POLR1B: variants seen among roughly 807,000 people sequenced by gnomAD.
POLR1B encodes the protein DNA-directed RNA polymerase I subunit RPA2.
Under a neutral mutation model 105.8 loss-of-function variants are expected in POLR1B, and 30 were observed. That is an observed-to-expected ratio of 0.28 (90% CI 0.21 to 0.38). POLR1B has a LOEUF of 0.38. Ranked by LOEUF, POLR1B falls within the 10% of genes least tolerant of loss-of-function variation. POLR1B has a pLI of 1.00. For synonymous variants in POLR1B, 485 were observed against 505.1 expected (o/e 0.96, Z 0.53); for missense variants, 976 against 1,435.8 (o/e 0.68, Z 5.17).
chr2:112,550,157 A>C (rs1362524174), intron 4 of POLR1B, among the ~76,000 whole-genome samples: 2 of 152,090 alleles, frequency 1.3e-5, no homozygotes, highest in Non-Finnish European at 2.9e-5. Context: ...TATTTTTGTT[A>C]CTACTTATGA....
intron 1 of POLR1B, among the ~76,000 whole-genome samples, chr2:112,546,091 T>G (rs1360931400): frequency 1.3e-5 from 2 of 152,316 alleles, no homozygotes; most frequent in Middle Eastern, 3.4e-3. Flanking sequence ...TTCATTATTC[T>G]AAGACTAAGT....
rs1181954151 is a variant in POLR1B, at chr2:112,576,376, TAACTC to T, written c.*650_*654del. The T allele has an allele frequency of 6.6e-6, 1 of 152,352 alleles. No homozygotes were observed. The highest frequency in any genetic ancestry group is 1.5e-5 in the Non-Finnish European group (1 of 68,158). 9.4% of individuals were successfully genotyped at this position (152,352 alleles called of 1,614,324 possible). A position where few individuals can be genotyped will look rare whatever the true frequency, so the allele number is the denominator to read the frequency against. ...TTTTGTCTTCTGTGGTAAGAACACT[TAACTC>T]AAGACCTACCCTCTTAACAAATCTT... On this transcript the variant is annotated 3_prime_UTR_variant, in exon 15 of 15. Coordinates refer to ENST00000263331, the MANE Select transcript of POLR1B (RefSeq NM_019014.6).
chr2:112,556,510 A>C (rs573997296), intron 7 of POLR1B, among the ~76,000 whole-genome samples: 1 of 152,356 alleles, frequency 6.6e-6, no homozygotes, highest in South Asian at 2.1e-4. Context: ...TCAGTGCCAG[A>C]GAATATGCAG....
Position 112,579,316 on chromosome 2 carries a change from A to G in POLR1B, c.*3587A>G, listed in dbSNP as rs1684998661. 6.6e-6 allele frequency among the ~76,000 whole-genome samples: 1 copy of G among 151,446 alleles called. No individual in the cohort carries two copies. Among genetic ancestry groups the G allele is most frequent in the South Asian group, 2.1e-4 (1 of 4,790 alleles). Reference sequence around the variant, plus strand: ...ACATAAGTTTCATTTCCCTGGGACAAGTGTTCAAGACTGGGATTGCTGGGT... The same window carrying G: ...ACATAAGTTTCATTTCCCTGGGACAGGTGTTCAAGACTGGGATTGCTGGGT... On this transcript the variant is annotated 3_prime_UTR_variant, in exon 15 of 15. Transcript: ENST00000263331.
chr2:112,542,105 G>C (rs770261029), upstream of POLR1B: 2 of 1,535,632 alleles, frequency 1.3e-6, no homozygotes, highest in South Asian at 1.2e-5. Flanking sequence ...GGAAACAGAA[G>C]AGAGCCTGAG....
At chr2:112,546,260 G>T (rs1683035163) in intron 1 of POLR1B, among the ~76,000 whole-genome samples, 2 of 152,184 alleles carry the variant, frequency 1.3e-5, no homozygotes, top group African/African-American at 4.8e-5. Context: ...TCTGGCTTCA[G>T]TTTGACGTTG....
Position 112,575,543 on chromosome 2 carries a change from C to A in POLR1B, c.3222C>A (p.Gly1074=). The change falls in exon 15 of 15, where the codon GGC becomes GGA. Residue 1074 remains glycine, a synonymous_variant. Coordinates refer to ENST00000263331, the MANE Select transcript of POLR1B (RefSeq NM_019014.6). This position sits in a 1 kb window ranked among gnomAD's most constrained non-coding sequence, Gnocchi z 5.3. ...RSVAHVCVKC[G]SLLSPLLEKP... Reference sequence around the variant, plus strand: ...TAGCCCATGTGTGTGTGAAGTGTGGCAGTTTACTCTCTCCACTGTTGGAGA... The same window carrying A: ...TAGCCCATGTGTGTGTGAAGTGTGGAAGTTTACTCTCTCCACTGTTGGAGA... 6.2e-7 allele frequency: 1 copy of A among 1,614,150 alleles called. No individual in the cohort carries two copies. Among genetic ancestry groups the A allele is most frequent in the Non-Finnish European group, 8.5e-7 (1 of 1,180,024 alleles).
At position 112,568,929 on chromosome 2, in the gene POLR1B, C is replaced by T. The variant is rs541515915; in HGVS notation, c.2074+27C>T. On this transcript the variant is annotated intron_variant, in intron 12 of 14. Transcript: ENST00000263331. Reference sequence around the variant, plus strand: ...TAAGGAAGAGGGATGATGTTACAGTCACAATCAGGAAAGTAAACTTGATAC... The same window carrying T: ...TAAGGAAGAGGGATGATGTTACAGTTACAATCAGGAAAGTAAACTTGATAC... 1.4e-5 allele frequency: 22 copies of T among 1,597,862 alleles called. 1 individual carries two copies. The South Asian group carries it at 2.3e-4, about 17-fold the overall frequency.
In POLR1B at chr2:112,574,883, G is replaced by A; in HGVS notation, c.2562G>A (p.Val854=). Residue 854 remains valine (V), a synonymous_variant, in exon 15 of 15, where the codon GTG becomes GTA. Coordinates refer to ENST00000263331, the MANE Select transcript of POLR1B (RefSeq NM_019014.6). ...KENCVVDNIK[V]CSNDTGSGKF... ...ATTGTGTTGTGGATAACATCAAAGT[G>A]TGCAGTAATGACACTGGGAGTGGAA... The A allele has an allele frequency of 6.2e-7, 1 of 1,613,732 alleles. No individual in the cohort carries two copies. Among genetic ancestry groups the A allele is most frequent in the African/African-American group, 1.3e-5 (1 of 75,034 alleles).
At chr2:112,547,371 G>C in intron 2 of POLR1B, 50 bp from the exon 3 acceptor site, 1 of 1,576,488 alleles carries the variant, frequency 6.3e-7, no homozygotes, top group African/African-American at 1.4e-5. Context: ...ATTTGTTCTC[G>C]TAAATGCAGA....
In POLR1B at chr2:112,551,983, C is replaced by T. The variant is rs189205115; in HGVS notation, c.971C>T (p.Ala324Val). Reference protein sequence around the residue: ...VPDWYPNEQAAEFLFNQCICI... With the variant: ...VPDWYPNEQAVEFLFNQCICI... ...GACTGGTACCCAAATGAGCAAGCTGCGGAGTTCCTGTTTAAGTATGTGTGC... is the reference window on the plus strand; with the variant it reads ...GACTGGTACCCAAATGAGCAAGCTGTGGAGTTCCTGTTTAAGTATGTGTGC... The change falls in exon 6 of 15, where the codon GCG becomes GTG. Residue 324 changes from alanine to valine, a missense_variant. By Grantham distance (64) the Ala-to-Val change is moderately conservative. Coordinates refer to ENST00000263331, the MANE Select transcript of POLR1B (RefSeq NM_019014.6). The T allele has an allele frequency of 1.5e-3, 2,445 of 1,613,856 alleles. 34 individuals carry two copies. The highest frequency in any genetic ancestry group is 4.5e-3 in the East Asian group (200 of 44,880).
At position 112,542,610 on chromosome 2, in the gene POLR1B, C is replaced by G. The variant is rs1682815055; in HGVS notation, c.116C>G (p.Thr39Arg). The change falls in exon 1 of 15, where the codon ACG becomes AGG. Residue 39 changes from threonine (T) to arginine (R), a missense_variant. Thr to Arg is a moderately conservative substitution (Grantham distance 71). This residue lies in a region of POLR1B where 452 missense variants were observed against 616.5 expected (regional missense o/e 0.73). Coordinates refer to ENST00000263331, the MANE Select transcript of POLR1B (RefSeq NM_019014.6). ...EQQKAALQEL[T>R]RAHVESFNYA... Reference sequence around the variant, plus strand: ...CAAAAGGCAGCGTTGCAGGAGCTGACGCGGGCGCACGTGGAGTCCTTCAAC... The same window carrying G: ...CAAAAGGCAGCGTTGCAGGAGCTGAGGCGGGCGCACGTGGAGTCCTTCAAC... 6.2e-7 allele frequency: 1 copy of G among 1,614,020 alleles called. No homozygotes were observed. Among genetic ancestry groups the G allele is most frequent in the Admixed American group, 1.7e-5 (1 of 60,006 alleles).
At position 112,568,824 on chromosome 2, in the gene POLR1B, C is replaced by T. The variant is rs1360467340; in HGVS notation, c.1996C>T (p.Leu666=). 2 of 1,614,030 alleles carry T rather than the reference C, an allele frequency of 1.2e-6. No homozygotes were observed. Among genetic ancestry groups the T allele is most frequent in the Non-Finnish European group, 8.5e-7 (1 of 1,179,894 alleles). ...ACACCAGGAACTCTTTCCACACAGC[C>T]TGCTGAGTGTGATTGCCAACTTCAT... is the stretch of plus-strand genomic sequence containing the variant. ...TTHQELFPHS[L]LSVIANFIPF... Residue 666 remains leucine, a synonymous_variant, in exon 12 of 15, where the codon CTG becomes TTG. Transcript: ENST00000263331.
intron 13 of POLR1B, 112 bp from the exon 14 acceptor site, chr2:112,573,449 GA>G (rs1302544989): frequency 2.6e-5 from 35 of 1,345,384 alleles, no homozygotes; most frequent in Non-Finnish European, 3.4e-5. Context: ...AAAATGTGAG[GA>G]AAGTTAAAAT....
intron 9 of POLR1B, 40 bp from the exon 10 acceptor site, chr2:112,564,323 TGAA>T (rs749101601): frequency 1.2e-6 from 2 of 1,600,468 alleles, no homozygotes; most frequent in Admixed American, 3.4e-5. Flanking sequence ...GAATGTTGGA[TGAA>T]GCATTCTGAT....
chr2:112,544,104 A>C (rs1161808681), intron 1 of POLR1B, among the ~76,000 whole-genome samples: 1 of 151,820 alleles, frequency 6.6e-6, no homozygotes, highest in African/African-American at 2.4e-5. Flanking sequence ...AAAAAAATCC[A>C]ATTGAGAAAT....
In POLR1B at chr2:112,575,248, C is replaced by T; in HGVS notation, c.2927C>T (p.Thr976Ile). ...GCTGCTGGCTACAATTTCTATGGCA[C>T]CGAGAGGTTATATAGTGGCATCAGT... The part of the protein sequence containing the change: ...LKAAGYNFYG[T>I]ERLYSGISGL... Residue 976 changes from threonine (T) to isoleucine (I), a missense_variant, in exon 15 of 15, where the codon ACC becomes ATC. Physicochemically the swap from Thr to Ile is moderately conservative, Grantham distance 89 (BLOSUM62 -1). Transcript: ENST00000263331. This position sits in a 1 kb window ranked among gnomAD's most constrained non-coding sequence, Gnocchi z 5.3. The T allele has an allele frequency of 6.2e-7, 1 of 1,614,106 alleles. No individual in the cohort carries two copies. Among genetic ancestry groups the T allele is most frequent in the Non-Finnish European group, 8.5e-7 (1 of 1,180,014 alleles).
chr2:112,542,375 G>T, upstream of POLR1B: 1 of 1,600,700 alleles, frequency 6.2e-7, no homozygotes. Context: ...TGGAACGAGA[G>T]GGAACTACAT....
rs1047645546 is a variant in POLR1B, at chr2:112,542,765, C to T, written c.177+94C>T. 6.2e-6 allele frequency: 9 copies of T among 1,460,850 alleles called. No individual in the cohort carries two copies. The African/African-American group carries it at 9.8e-5, about 16-fold the overall frequency. The allele number at this position is 1,460,850 out of a possible 1,614,324, so 90.5% of individuals were successfully genotyped here. On this transcript the variant is annotated intron_variant, in intron 1 of 14. Coordinates refer to ENST00000263331, the MANE Select transcript of POLR1B (RefSeq NM_019014.6). ...CAGTATGACCCCAGATGCATGTGCT[C>T]CTTGATCCTGACAGGCTTGGTGGGT...
Sources: gnomAD v4.1 joint callset for allele counts (sites outside exome capture counted in the v4.1 genomes callset) on GRCh38, gnomAD v4.1.1 for gene constraint, gnomAD v4.1.1 regional missense constraint, Gnocchi (gnomAD v3.1) non-coding constraint, MANE v1.5 for transcripts, NCBI Gene and HGNC (gene_info 2026-07-23, HGNC 2026-07-21) for gene names.